Variants in KAZN observed in about 807,000 individuals in gnomAD.
KAZN encodes kazrin.
A neutral mutation model predicts 87.4 loss-of-function variants in KAZN; 40 were observed. The ratio of observed to expected loss-of-function variants is 0.46; its 90% CI spans 0.36 to 0.60. The LOEUF (loss-of-function observed/expected upper bound fraction) is 0.60. Ranked by LOEUF, KAZN falls within the 20% of genes least tolerant of loss-of-function variation. The pLI is 0.00. For synonymous variants in KAZN, 466 were observed against 458.3 expected (o/e 1.02, Z -0.22); for missense variants, 898 against 1,073.9 (o/e 0.84, Z 2.29).
chr1:14,686,651 C>T (rs189661332), intron 1 of KAZN, among the ~76,000 whole-genome samples: 1 of 152,252 alleles, frequency 6.6e-6, no homozygotes, highest in African/African-American at 2.4e-5. Context: ...TAGGCACCCT[C>T]CCTCAGCTTT....
At chr1:14,680,890 G>C (rs1640529205) in intron 1 of KAZN, among the ~76,000 whole-genome samples, 1 of 152,138 alleles carries the variant, frequency 6.6e-6, no homozygotes, top group African/African-American at 2.4e-5. Context: ...GCCTTCATTG[G>C]CTCCTGGTTC....
At chr1:14,174,522 T>G (rs983204338) in intron 1 of KAZN, among the ~76,000 whole-genome samples, 1 of 152,224 alleles carries the variant, frequency 6.6e-6, no homozygotes, top group African/African-American at 2.4e-5. Flanking sequence ...GCTAAACATC[T>G]GCTTATTTGA....
At chr1:13,975,152 T>C (rs1343996243) in intron 1 of KAZN, among the ~76,000 whole-genome samples, 4 of 152,168 alleles carry the variant, frequency 2.6e-5, no homozygotes, top group African/African-American at 7.2e-5. Context: ...AGACAGATCA[T>C]AGAGTGTGTC....
intron 2 of KAZN, among the ~76,000 whole-genome samples, chr1:14,502,744 C>A (rs1199061668): frequency 6.6e-6 from 1 of 152,172 alleles, no homozygotes; most frequent in Non-Finnish European, 1.5e-5. Context: ...TGGGTCAGAG[C>A]AACAGAAAAA....
At chr1:14,812,415 T>C (rs903187660) in intron 1 of KAZN, among the ~76,000 whole-genome samples, 3 of 152,026 alleles carry the variant, frequency 2.0e-5, no homozygotes, top group Admixed American at 1.3e-4. Context: ...AGTGGAGGGG[T>C]GGTGGAACAA....
intron 2 of KAZN, among the ~76,000 whole-genome samples, chr1:14,314,237 C>T (rs1016613448): frequency 6.6e-6 from 1 of 152,162 alleles, no homozygotes; most frequent in African/African-American, 2.4e-5. Context: ...AGTGAGCTCT[C>T]CACTTTGACC....
At chr1:14,023,992 TTA>T (rs1415399378) in intron 1 of KAZN, among the ~76,000 whole-genome samples, 1 of 152,142 alleles carries the variant, frequency 6.6e-6, no homozygotes, top group Non-Finnish European at 1.5e-5. Flanking sequence ...CCCGAACTTC[TTA>T]CACAGTAAAA....
At chr1:14,491,570 G>C (rs573939001) in intron 2 of KAZN, among the ~76,000 whole-genome samples, 1 of 152,184 alleles carries the variant, frequency 6.6e-6, no homozygotes. Context: ...AATACCTTCT[G>C]TATTCACCAT....
chr1:14,239,898 C>T (rs999227829), intron 2 of KAZN, among the ~76,000 whole-genome samples: 7 of 152,180 alleles, frequency 4.6e-5, no homozygotes, highest in African/African-American at 1.4e-4. Flanking sequence ...AGGCCAGTGA[C>T]ATTGCTAAGT....
chr1:14,431,281 G>A (rs934865452), intron 2 of KAZN, among the ~76,000 whole-genome samples: 2 of 152,114 alleles, frequency 1.3e-5, no homozygotes, highest in African/African-American at 4.8e-5. Context: ...TTAGAGATGG[G>A]CATTTGGGGA....
At chr1:14,218,904 A>ACGT (rs1647028344) in intron 2 of KAZN, among the ~76,000 whole-genome samples, 1 of 151,956 alleles carries the variant, frequency 6.6e-6, no homozygotes, top group Non-Finnish European at 1.5e-5. Context: ...TAGGCATTGT[A>ACGT]CATTTGCTGT....
At chr1:14,721,996 A>T (rs1158082214) in intron 1 of KAZN, among the ~76,000 whole-genome samples, 2 of 151,986 alleles carry the variant, frequency 1.3e-5, no homozygotes, top group African/African-American at 4.8e-5. Flanking sequence ...CTCTACTAAA[A>T]ATATAAAAAT....
rs1036061922 is a variant in KAZN at position 14,998,133 on chromosome 1, C to T, written c.419-36616C>T. Among the ~76,000 whole-genome samples the T allele has an allele frequency of 2.0e-5, 3 of 152,078 alleles. No homozygotes were observed. In the East Asian group the frequency reaches 5.8e-4, roughly 29 times the overall value. On this transcript the variant is annotated intron_variant, in intron 2 of 14. Coordinates refer to ENST00000376030, the MANE Select transcript of KAZN (RefSeq NM_201628.3). ...GATGGGAACTGCCCCAGAAGCTCCT[C>T]AGCTGGCACAGACGGCGGGGGGGAG...
intron 1 of KAZN, among the ~76,000 whole-genome samples, chr1:14,028,064 C>T (rs1160968695): frequency 6.6e-6 from 1 of 152,194 alleles, no homozygotes; most frequent in African/African-American, 2.4e-5. Flanking sequence ...ATGCCTGCTG[C>T]CAAGCTTAGT....
intron 2 of KAZN, among the ~76,000 whole-genome samples, chr1:14,305,434 G>A (rs990332090): frequency 3.9e-5 from 6 of 152,102 alleles, no homozygotes; most frequent in Admixed American, 6.6e-5. Flanking sequence ...AAAGAGGTCT[G>A]TGACCCCAGA....
rs916023270 is a variant in KAZN, at chr1:14,561,190, C to A, written c.250-37793C>A. ...CTGGGTCAGGTGCCCTTCACTGACC[C>A]AAACAGCTCATGGCTGAATCAGCTC... is the stretch of plus-strand genomic sequence containing the variant. On this transcript the variant is annotated intron_variant, in intron 2 of 16. Transcript: ENST00000636203. Among the ~76,000 whole-genome samples, 6 of 152,172 alleles carry A rather than the reference C, an allele frequency of 3.9e-5. 1 individual carries two copies. Among genetic ancestry groups the A allele is most frequent in the Admixed American group, 3.3e-4 (5 of 15,282 alleles).
At chr1:14,243,993 C>T (rs1044525504) in intron 2 of KAZN, among the ~76,000 whole-genome samples, 52 of 152,304 alleles carry the variant, frequency 3.4e-4, no homozygotes, top group Admixed American at 2.7e-3. Flanking sequence ...GAGAGACATG[C>T]AGAGTTGAGC....
At chr1:14,257,522 G>A (rs1197872724) in intron 2 of KAZN, among the ~76,000 whole-genome samples, 3 of 145,716 alleles carry the variant, frequency 2.1e-5, no homozygotes, top group Non-Finnish European at 4.5e-5. Context: ...TGCTTTTGGT[G>A]TTCTGGACAT....
At chr1:15,101,159 G>A (rs184080079) in intron 10 of KAZN, among the ~76,000 whole-genome samples, 1,001 of 47,364 alleles carry the variant, frequency 0.021, 5 homozygotes, top group Non-Finnish European at 0.037. Context: ...CTTGAGTCTC[G>A]GTCTTTCTCT....
Sources: gnomAD v4.1 joint callset for allele counts (sites outside exome capture counted in the v4.1 genomes callset) on GRCh38, gnomAD v4.1.1 for gene constraint, MANE v1.5 for transcripts, NCBI Gene and HGNC (gene_info 2026-07-23, HGNC 2026-07-21) for gene names.